The following DMKN variants were observed in gnomAD, a reference collection of about 807,000 sequenced individuals.
The protein encoded by DMKN is epidermis-specific secreted protein SK30/SK89.
A neutral mutation model predicts 67.6 loss-of-function variants in DMKN; 58 were observed. That is an observed-to-expected ratio of 0.86 (90% CI 0.69 to 1.07). DMKN has a LOEUF of 1.07. Among genes scored for constraint, DMKN ranks in the 50% least tolerant of loss-of-function variants. The pLI, the probability that DMKN is intolerant of heterozygous loss-of-function variation, is 0.00. For missense variants in DMKN, 596 were observed against 601.5 expected (o/e 0.99, Z 0.10); for synonymous variants, 240 against 232.3 (o/e 1.03, Z -0.30).
Position 35,507,314 on chromosome 19 carries a change from CT to C in DMKN, c.1039-1329del, listed in dbSNP as rs556464171. 8.2e-4 allele frequency: 554 copies of C among 678,190 alleles called. 1 individual carries two copies. Among genetic ancestry groups the C allele is most frequent in the African/African-American group, 3.2e-3 (177 of 55,292 alleles). 42.0% of individuals were successfully genotyped at this position (678,190 alleles called of 1,614,324 possible). Reference sequence around the variant, plus strand: ...AGATGGAGATGGGGATCCCAGAACCCTGTTTTGGTCTCTTGATGGTCACTGG... The same window carrying C: ...AGATGGAGATGGGGATCCCAGAACCCGTTTTGGTCTCTTGATGGTCACTGG... On this transcript the variant is annotated intron_variant, in intron 7 of 15. Coordinates refer to ENST00000339686, the MANE Select transcript of DMKN (RefSeq NM_033317.5).
intron 9 of DMKN, among the ~76,000 whole-genome samples, 170 bp from the exon 10 acceptor site, chr19:35,503,056 G>C (rs1477548869): frequency 6.6e-6 from 1 of 152,132 alleles, no homozygotes; most frequent in Non-Finnish European, 1.5e-5. Context: ...GGGAAACACA[G>C]GGAGAGAGAG....
intron 9 of DMKN, chr19:35,503,422 C>A: frequency 6.4e-7 from 1 of 1,550,870 alleles, no homozygotes; most frequent in Non-Finnish European, 8.7e-7. Context: ...GTCTGGAGGT[C>A]ACGGGATGCG....
chr19:35,513,298 C>T lies in DMKN; in HGVS notation c.178G>A (p.Gly60Arg), dbSNP rs761863919. The part of the protein sequence containing the change: ...GVGKAIGKEA[G>R]GAAGSKVSEA... ...CTGACTTTAGAGCCAGCTGCCCCTC[C>T]GGCCTCTTTGCCAATGGCCTTTCCC... is the stretch of plus-strand genomic sequence containing the variant. Residue 60 changes from glycine (G) to arginine (R), a missense_variant, in exon 1 of 16, where the codon GGA becomes AGA. Coordinates refer to ENST00000339686, the MANE Select transcript of DMKN (RefSeq NM_033317.5). The T allele has an allele frequency of 2.5e-5, 41 of 1,613,954 alleles. No homozygotes were observed. The East Asian group carries it at 4.9e-4, about 19-fold the overall frequency.
chr19:35,501,959 C>T (rs1438213195), intron 11 of DMKN, 177 bp downstream of exon 11: 26 of 1,550,104 alleles, frequency 1.7e-5, no homozygotes, highest in Non-Finnish European at 2.2e-5. Flanking sequence ...GAGGTCCTCC[C>T]ACCCTGCTCC....
chr19:35,509,993 C>G, intron 6 of DMKN, 32 bp from the exon 7 acceptor site: 2 of 1,613,846 alleles, frequency 1.2e-6, no homozygotes, highest in Non-Finnish European at 1.7e-6. Flanking sequence ...GACTTTCCCT[C>G]AGTCCCCTCC....
intron 12 of DMKN, 50 bp from the exon 13 acceptor site, chr19:35,500,079 T>C (rs1568560993): frequency 6.2e-7 from 1 of 1,603,010 alleles, no homozygotes. Context: ...GAAGGCCATT[T>C]TGCTCTGGAA....
rs561680729 is a variant in DMKN, at chr19:35,512,733, G to A, written c.484C>T (p.Gln162Ter). Residue 162 changes from glutamine (Q) to a stop codon, truncating the protein, a stop_gained, in exon 2 of 16, where the codon CAG (glutamine) becomes TAG (stop). Coordinates refer to ENST00000339686, the MANE Select transcript of DMKN (RefSeq NM_033317.5). LOFTEE classifies it high-confidence loss of function. ...GSQGGLGGQG[Q>*]GNPGGLGTPW... is the part of the protein sequence containing the mutation. ...GTCCCCAGACCTCCAGGATTGCCCTGGCCCTGGCCTCCAAGGCCACCTTGA... is the reference window on the plus strand; with the variant it reads ...GTCCCCAGACCTCCAGGATTGCCCTAGCCCTGGCCTCCAAGGCCACCTTGA... The A allele has an allele frequency of 3.7e-6, 6 of 1,614,118 alleles. No homozygotes were observed. In the East Asian group the frequency reaches 1.1e-4, roughly 30 times the overall value.
intron 5 of DMKN, chr19:35,510,621 T>TA (rs2070582315): frequency 1.4e-6 from 2 of 1,416,878 alleles, no homozygotes; most frequent in Non-Finnish European, 1.9e-6. Context: ...GCTGCCTTGG[T>TA]CACCATTCCC....
At chr19:35,503,465 T>G (rs1375393913) in intron 9 of DMKN, 35 of 1,484,824 alleles carry the variant, frequency 2.4e-5, no homozygotes, top group Admixed American at 2.0e-4. Flanking sequence ...AAGAAACAGG[T>G]TTTTTTTTGT....
At chr19:35,499,143 C>A in intron 13 of DMKN, 1 of 587,226 alleles carries the variant, frequency 1.7e-6, no homozygotes, top group Non-Finnish European at 3.0e-6. Flanking sequence ...CCAAGGGGGT[C>A]AAAAGAGCAT....
At chr19:35,499,908 T>A in intron 13 of DMKN, 50 bp downstream of exon 13, 2 of 1,597,652 alleles carry the variant, frequency 1.3e-6, no homozygotes, top group Non-Finnish European at 1.7e-6. Flanking sequence ...TCTCTCCCCA[T>A]CCCTCATGCA....
chr19:35,502,102 G>C (rs1205477665), intron 11 of DMKN, 34 bp downstream of exon 11: 1 of 1,613,854 alleles, frequency 6.2e-7, no homozygotes, highest in Non-Finnish European at 8.5e-7. Flanking sequence ...CCCGAACCCT[G>C]TGTCCCAGAG....
At position 35,498,854 on chromosome 19, in the gene DMKN, G is replaced by C. The variant is rs778215902; in HGVS notation, c.1383+20C>G. On this transcript the variant is annotated intron_variant, in intron 14 of 15. Coordinates refer to ENST00000339686, the MANE Select transcript of DMKN (RefSeq NM_033317.5). ...CCCCTTCTCTCTCCAGCCAGATGAA[G>C]ATCAGGCCCCCATACTCACCGAGGA... 2 of 1,614,034 alleles carry C rather than the reference G, an allele frequency of 1.2e-6. No homozygotes were observed. The highest frequency in any genetic ancestry group is 1.3e-5 in the African/African-American group (1 of 74,908).
At chr19:35,507,398 A>G in intron 7 of DMKN, 1 of 1,485,120 alleles carries the variant, frequency 6.7e-7, no homozygotes, top group Admixed American at 2.0e-5. Context: ...TTTTCCCAGG[A>G]TCTTAGCATG....
At position 35,498,905 on chromosome 19, in the gene DMKN, A is replaced by C. The variant is rs2067903662; in HGVS notation, c.1360-8T>G. On this transcript the variant is annotated splice_polypyrimidine_tract_variant and splice_region_variant and intron_variant, in intron 13 of 15. Coordinates refer to ENST00000339686, the MANE Select transcript of DMKN (RefSeq NM_033317.5). ...AGAAGGTGAGACTCCCCCCTGCAAA[A>C]AGATCAAAGGAAAGTGATGTGGGGT... 3 of 1,613,890 alleles carry C rather than the reference A, an allele frequency of 1.9e-6. No individual in the cohort carries two copies.
At chr19:35,510,447 C>A in intron 5 of DMKN, 195 bp from the exon 6 acceptor site, 3 of 1,552,120 alleles carry the variant, frequency 1.9e-6, no homozygotes, top group South Asian at 1.2e-5. Flanking sequence ...CAGGTGTGGC[C>A]GAGGGTATTC....
intron 7 of DMKN, chr19:35,506,597 C>T (rs1398071551): frequency 1.9e-5 from 9 of 464,546 alleles, no homozygotes; most frequent in Admixed American, 7.0e-5. Flanking sequence ...CTGAAGGCTG[C>T]GTGAGTCAGG....
chr19:35,506,105 T>TG, intron 7 of DMKN, 119 bp from the exon 8 acceptor site: 1 of 1,595,928 alleles, frequency 6.3e-7, no homozygotes, highest in Middle Eastern at 1.7e-4. Flanking sequence ...CAGCCCAAGG[T>TG]GGAGTGTTGC....
chr19:35,499,001 C>A, intron 13 of DMKN, 104 bp from the exon 14 acceptor site: 3 of 1,544,116 alleles, frequency 1.9e-6, no homozygotes, highest in Non-Finnish European at 2.7e-6. Flanking sequence ...AGGCTCACAC[C>A]AGGGCTATCA....
Sources: allele counts gnomAD v4.1 joint callset (sites outside exome capture counted in the v4.1 genomes callset), GRCh38; gene constraint gnomAD v4.1.1; transcripts MANE v1.5; gene names NCBI Gene and HGNC (gene_info 2026-07-23, HGNC 2026-07-21).